The following HNRNPA1L2 variants were observed in gnomAD, a reference collection of about 807,000 sequenced individuals.
The protein encoded by HNRNPA1L2 is heterogeneous nuclear ribonucleoprotein A1 like 2, also known as heterogeneous nuclear ribonucleoprotein A1-like 2.
A neutral mutation model predicts 18.2 loss-of-function variants in HNRNPA1L2; 10 were observed. The observed-to-expected ratio is 0.55, with a 90% CI of 0.34 to 0.93. HNRNPA1L2 has a LOEUF of 0.93. Among genes scored for constraint, HNRNPA1L2 ranks in the 40% least tolerant of loss-of-function variants. The pLI is 0.02. For missense variants in HNRNPA1L2, 308 were observed against 394.4 expected (o/e 0.78, Z 1.85); for synonymous variants, 124 against 138.6 (o/e 0.89, Z 0.74).
At chr13:52,633,538 A>AT in the HNRNPA1L2 span, among the ~76,000 whole-genome samples, 1 of 152,160 alleles carries the variant, frequency 6.6e-6, no homozygotes, top group Admixed American at 6.5e-5. Context: ...AGTTTTTTGG[A>AT]TTTTGATAGA....
At chr13:52,635,959 C>T in the HNRNPA1L2 span, among the ~76,000 whole-genome samples, 2 of 151,782 alleles carry the variant, frequency 1.3e-5, no homozygotes, top group Non-Finnish European at 2.9e-5. Context: ...GCCTCAGTCT[C>T]CCGAGTAGCT....
At chr13:52,618,807 C>T in the HNRNPA1L2 span, among the ~76,000 whole-genome samples, 1 of 152,122 alleles carries the variant, frequency 6.6e-6, no homozygotes, top group Non-Finnish European at 1.5e-5. Flanking sequence ...GAGATACTGT[C>T]AGTGGAAACA....
upstream of HNRNPA1L2, chr13:52,642,292 T>C (rs953317597): frequency 1.2e-4 from 83 of 697,344 alleles, 1 homozygote; most frequent in Admixed American, 5.1e-5. Flanking sequence ...CCTACTGTTA[T>C]GTATACTTGT....
the HNRNPA1L2 span, among the ~76,000 whole-genome samples, chr13:52,634,799 T>A: frequency 6.6e-6 from 1 of 151,952 alleles, no homozygotes; most frequent in Admixed American, 6.6e-5. Context: ...GTTGTGTAGG[T>A]CTGGATTCAA....
upstream of HNRNPA1L2, among the ~76,000 whole-genome samples, chr13:52,639,653 C>T (rs1288648298): frequency 7.2e-6 from 1 of 138,224 alleles, no homozygotes; most frequent in African/African-American, 2.8e-5. Flanking sequence ...GTATTTTTCT[C>T]TCGTTTTGTG....
chr13:52,619,593 G>A, the HNRNPA1L2 span, among the ~76,000 whole-genome samples: 1 of 151,980 alleles, frequency 6.6e-6, no homozygotes, highest in African/African-American at 2.4e-5. Flanking sequence ...GATTACAGGC[G>A]TGAGCCGCTG....
At chr13:52,632,531 A>G in the HNRNPA1L2 span, 1 of 153,412 alleles carries the variant, frequency 6.5e-6, no homozygotes, top group Non-Finnish European at 1.5e-5. Flanking sequence ...GTGGAAAAAT[A>G]TTCCATCTTT....
upstream of HNRNPA1L2, chr13:52,640,933 A>G (rs1002282914): frequency 6.6e-6 from 1 of 152,180 alleles, no homozygotes; most frequent in African/African-American, 2.4e-5. Flanking sequence ...CCAATCAATC[A>G]TGCAGCCCAG....
At chr13:52,639,430 G>A (rs180815348), upstream of HNRNPA1L2, among the ~76,000 whole-genome samples, 446 of 152,238 alleles carry the variant, frequency 2.9e-3, 4 homozygotes, top group Middle Eastern at 0.024. Flanking sequence ...GTAGAGGTCT[G>A]CCTTTACCAA....
the HNRNPA1L2 span, among the ~76,000 whole-genome samples, chr13:52,629,565 C>T: frequency 3.3e-5 from 5 of 152,284 alleles, no homozygotes; most frequent in Non-Finnish European, 7.4e-5. Flanking sequence ...TTTTTCTATA[C>T]CTTAAATCAA....
chr13:52,631,369 T>C, the HNRNPA1L2 span, among the ~76,000 whole-genome samples: 6 of 152,348 alleles, frequency 3.9e-5, no homozygotes, highest in East Asian at 9.6e-4. Context: ...TGGTACATAG[T>C]AGGTGCTCAG....
the HNRNPA1L2 span, among the ~76,000 whole-genome samples, chr13:52,633,471 C>T: frequency 1.3e-5 from 2 of 152,120 alleles, no homozygotes; most frequent in Non-Finnish European, 2.9e-5. Context: ...AATGAAGAAA[C>T]TCAGTACAAA....
At chr13:52,630,264 G>C in the HNRNPA1L2 span, among the ~76,000 whole-genome samples, 10 of 152,224 alleles carry the variant, frequency 6.6e-5, no homozygotes, top group African/African-American at 2.4e-4. Context: ...AAGTTAACGT[G>C]TCTTTTATTT....
In HNRNPA1L2 at chr13:52,643,062, A is replaced by G. The variant is rs1230845043; in HGVS notation, c.570A>G (p.Ser190=). 1.3e-6 allele frequency: 2 copies of G among 1,597,510 alleles called. No individual in the cohort carries two copies. The highest frequency in any genetic ancestry group is 2.7e-5 in the African/African-American group (2 of 74,828). The part of the protein sequence containing the change: ...ALPKQEMASA[S]SSQRGRRGSG... ...CAAAGCAAGAGATGGCTAGTGCTTC[A>G]TCCAGCCAAAGAGGTCGAAGGGGTT... The change falls in exon 1 of 1, where the codon TCA becomes TCG. Residue 190 remains serine, a synonymous_variant. Transcript: ENST00000357495.
At chr13:52,639,694 C>CAAAA (rs10661534), upstream of HNRNPA1L2, among the ~76,000 whole-genome samples, 1,326 of 73,454 alleles carry the variant, frequency 0.018, 26 homozygotes, top group Admixed American at 0.066. Context: ...GACCCTGTCT[C>CAAAA]AAAAAAAAAA....
At chr13:52,636,890 G>A in the HNRNPA1L2 span, among the ~76,000 whole-genome samples, 1 of 152,086 alleles carries the variant, frequency 6.6e-6, no homozygotes, top group African/African-American at 2.4e-5. Context: ...GGAATGCAGT[G>A]GCCCGATCTT....
chr13:52,629,062 A>AG, the HNRNPA1L2 span, among the ~76,000 whole-genome samples: 3 of 151,494 alleles, frequency 2.0e-5, no homozygotes, highest in South Asian at 2.1e-4. Flanking sequence ...TTTAGTAGAG[A>AG]GGGGGGTTTC....
At chr13:52,625,410 G>A in the HNRNPA1L2 span, among the ~76,000 whole-genome samples, 1 of 152,024 alleles carries the variant, frequency 6.6e-6, no homozygotes, top group Non-Finnish European at 1.5e-5. Flanking sequence ...CCACCACGAA[G>A]CCCTGAAAGA....
chr13:52,624,437 C>G, the HNRNPA1L2 span, among the ~76,000 whole-genome samples: 7 of 152,122 alleles, frequency 4.6e-5, no homozygotes, highest in Admixed American at 2.6e-4. Flanking sequence ...AATGACCTAG[C>G]CTTGTAATAA....
Sources: gnomAD v4.1 joint callset for allele counts (sites outside exome capture counted in the v4.1 genomes callset) on GRCh38, gnomAD v4.1.1 for gene constraint, MANE v1.5 for transcripts, NCBI Gene and HGNC (gene_info 2026-07-23, HGNC 2026-07-21) for gene names.